ITGAL: variants seen among roughly 807,000 people sequenced by gnomAD.
ITGAL encodes the protein integrin alpha-L.
Under a neutral mutation model 138.4 loss-of-function variants are expected in ITGAL, and 68 were observed. The ratio of observed to expected loss-of-function variants is 0.49; its 90% confidence interval spans 0.40 to 0.60. The LOEUF (loss-of-function observed/expected upper bound fraction) is 0.60, where lower values mean the gene tolerates loss of function less well. Among genes scored for constraint, ITGAL ranks in the 20% least tolerant of loss-of-function variants. ITGAL has a pLI of 0.00. For missense variants in ITGAL, 1,256 were observed against 1,478.6 expected (o/e 0.85, Z 2.47); for synonymous variants, 561 against 584.3 (o/e 0.96, Z 0.57).
At chr16:30,521,418 A>AG in intron 30 of ITGAL, 74 bp from the exon 31 acceptor site, 1 of 1,402,840 alleles carries the variant, frequency 7.1e-7, no homozygotes, top group East Asian at 2.3e-5. Context: ...AAAAAAAAAA[A>AG]AGTGTTCTCA....
Position 30,523,061 on chromosome 16 carries a change from C to T in ITGAL, c.*1396C>T, listed in dbSNP as rs948064008. 1 of 152,422 alleles carries T rather than the reference C, an allele frequency of 6.6e-6. No homozygotes were observed. Among genetic ancestry groups the T allele is most frequent in the Admixed American group, 6.5e-5 (1 of 15,294 alleles). The allele number at this position is 152,422 out of a possible 1,614,324, so 9.4% of individuals were successfully genotyped here. A position where few individuals can be genotyped will look rare whatever the true frequency, so the allele number is the denominator to read the frequency against. On this transcript the variant is annotated 3_prime_UTR_variant, in exon 31 of 31. Coordinates refer to ENST00000356798, the MANE Select transcript of ITGAL (RefSeq NM_002209.3). ...CCACACCCTCTCCCAGGACCCATCA[C>T]GCCTGTGCAGTGGCCCCCACAGAAA...
intron 17 of ITGAL, chr16:30,503,866 A>G (rs1295540330): frequency 4.9e-6 from 1 of 203,532 alleles, no homozygotes; most frequent in Non-Finnish European, 1.0e-5. Context: ...TCTTAAGCAA[A>G]CTTTGATAAT....
chr16:30,474,111 G>T (rs143187647), intron 1 of ITGAL, 85 bp from the exon 2 acceptor site: 1 of 994,932 alleles, frequency 1.0e-6, no homozygotes, highest in Non-Finnish European at 1.5e-6. Context: ...AGCGACATCC[G>T]GGTGGGCCTG....
chr16:30,482,610 T>G (rs2151146274), intron 7 of ITGAL, among the ~76,000 whole-genome samples: 1 of 152,146 alleles, frequency 6.6e-6, no homozygotes, highest in South Asian at 2.1e-4. Flanking sequence ...GAGACAATGG[T>G]TGTATAAACC....
Position 30,484,093 on chromosome 16 carries a change from C to T in ITGAL, c.856-20C>T. Reference sequence around the variant, plus strand: ...TGAGGTTTGGGGGATTTCAGCTCTTCACTCTCCACTCCCTCACAGATTGGA... The same window carrying T: ...TGAGGTTTGGGGGATTTCAGCTCTTTACTCTCCACTCCCTCACAGATTGGA... On this transcript the variant is annotated intron_variant, in intron 8 of 30. Coordinates refer to ENST00000356798, the MANE Select transcript of ITGAL (RefSeq NM_002209.3). 1.2e-6 allele frequency: 2 copies of T among 1,608,594 alleles called. No individual in the cohort carries two copies. Among genetic ancestry groups the T allele is most frequent in the Non-Finnish European group, 1.7e-6 (2 of 1,176,094 alleles).
At chr16:30,474,823 A>G (rs2050444763) in intron 2 of ITGAL, among the ~76,000 whole-genome samples, 1 of 151,314 alleles carries the variant, frequency 6.6e-6, no homozygotes, top group Non-Finnish European at 1.5e-5. Context: ...TCTGTAGGGA[A>G]GAGATGAGGA....
intron 15 of ITGAL, among the ~76,000 whole-genome samples, chr16:30,498,221 A>G (rs1403067537): frequency 6.7e-6 from 1 of 148,846 alleles, no homozygotes; most frequent in African/African-American, 2.5e-5. Context: ...GCTACTCGGG[A>G]GGCTGAGGCA....
intron 15 of ITGAL, 90 bp from the exon 16 acceptor site, chr16:30,498,984 T>C: frequency 1.6e-6 from 2 of 1,224,230 alleles, no homozygotes; most frequent in Non-Finnish European, 2.3e-6. Context: ...GGAAGGAGAG[T>C]TCTCTGGCTT....
chr16:30,489,074 T>C lies in ITGAL; in HGVS notation c.1007-8T>C. On this transcript the variant is annotated splice_region_variant and splice_polypyrimidine_tract_variant and intron_variant, in intron 9 of 30. Transcript: ENST00000356798. The stretch of plus-strand genomic sequence containing the variant: ...TGGGTCTCACCTGTTCTCTGCTTTG[T>C]TCCCCAGGCACAAGCAAACAGGACC... The C allele has an allele frequency of 3.7e-6, 6 of 1,612,854 alleles. No individual in the cohort carries two copies. Among genetic ancestry groups the C allele is most frequent in the South Asian group, 1.1e-5 (1 of 91,034 alleles).
At chr16:30,502,483 A>G (rs1427374369) in intron 17 of ITGAL, among the ~76,000 whole-genome samples, 2 of 151,370 alleles carry the variant, frequency 1.3e-5, no homozygotes, top group Non-Finnish European at 2.9e-5. Flanking sequence ...ATGGTGGCTC[A>G]TGCCAGTAAT....
At chr16:30,505,758 C>T (rs944925758) in intron 20 of ITGAL, among the ~76,000 whole-genome samples, 1 of 152,268 alleles carries the variant, frequency 6.6e-6, no homozygotes. Flanking sequence ...GTGGCTCATG[C>T]CTGTATTCCC....
chr16:30,510,249 G>T (rs193077729), intron 21 of ITGAL, 112 bp from the exon 22 acceptor site: 66 of 694,794 alleles, frequency 9.5e-5, no homozygotes, highest in Admixed American at 9.1e-4. Context: ...CGCTGAGAAG[G>T]TTCCATGACA....
chr16:30,475,048 G>A (rs1028427682), intron 2 of ITGAL, among the ~76,000 whole-genome samples: 1 of 151,814 alleles, frequency 6.6e-6, no homozygotes, highest in Non-Finnish European at 1.5e-5. Flanking sequence ...TAGTAGAGAC[G>A]GGGTTTCACC....
intron 25 of ITGAL, 108 bp from the exon 26 acceptor site, chr16:30,516,865 G>C: frequency 1.3e-6 from 1 of 799,776 alleles, no homozygotes; most frequent in South Asian, 1.4e-5. Flanking sequence ...AGGGCCCTGG[G>C]GACTCAGCCA....
intron 4 of ITGAL, among the ~76,000 whole-genome samples, chr16:30,478,683 CG>C (rs1362622567): frequency 1.4e-5 from 1 of 72,044 alleles, no homozygotes; most frequent in Non-Finnish European, 2.6e-5. Flanking sequence ...GGCGATAGAG[CG>C]AAGACTCCAT....
rs1040115809 is a variant in ITGAL, at chr16:30,492,617, C to T, written c.1214-1595C>T. Among the ~76,000 whole-genome samples, 8 of 147,226 alleles carry T rather than the reference C, an allele frequency of 5.4e-5. No individual in the cohort carries two copies. The Admixed American group carries it at 5.5e-4, about 10-fold the overall frequency. On this transcript the variant is annotated intron_variant, in intron 11 of 30. Transcript: ENST00000356798. ...TGTCACCCAGGCTGGAGTGCAGAGG[C>T]GCTATCTCAGCTCACTGCAAGCTCC... is the stretch of plus-strand genomic sequence containing the variant.
At position 30,489,319 on chromosome 16, in the gene ITGAL, A is replaced by G; in HGVS notation, c.1146A>G (p.Ala382=). 1 of 1,613,340 alleles carries G rather than the reference A, an allele frequency of 6.2e-7. No individual in the cohort carries two copies. The highest frequency in any genetic ancestry group is 8.5e-7 in the Non-Finnish European group (1 of 1,179,260). ...DWAGGFLDLK[A]DLQDDTFIGN... ...CTGGGGGCTTTCTTGACCTGAAGGC[A>G]GACCTGCAGGATGACACATTTATTG... is the stretch of plus-strand genomic sequence containing the variant. Residue 382 remains alanine (A), a synonymous_variant, in exon 11 of 31, where the codon GCA becomes GCG. Transcript: ENST00000356798.
chr16:30,478,552 G>T lies in ITGAL; in HGVS notation c.328-539G>T, dbSNP rs145523314. 1.6e-3 allele frequency among the ~76,000 whole-genome samples: 241 copies of T among 151,788 alleles called. 4 individuals are homozygous for T. The East Asian group carries it at 0.04, about 25-fold the overall frequency. On this transcript the variant is annotated intron_variant, in intron 4 of 30. Coordinates refer to ENST00000356798, the MANE Select transcript of ITGAL (RefSeq NM_002209.3). ...TCTCTGCTAAAAATACAAAAAATTA[G>T]CCGGGTGTAGTGGCGGGTGCCTGTA...
At chr16:30,514,598 A>AT (rs1172133953) in intron 25 of ITGAL, among the ~76,000 whole-genome samples, 5 of 151,572 alleles carry the variant, frequency 3.3e-5, no homozygotes, top group East Asian at 3.9e-4. Context: ...TAACTTTTGT[A>AT]TTTTTTGTAG....
Sources: gnomAD v4.1 joint callset for allele counts (sites outside exome capture counted in the v4.1 genomes callset) on GRCh38, gnomAD v4.1.1 for gene constraint, MANE v1.5 for transcripts, NCBI Gene and HGNC (gene_info 2026-07-23, HGNC 2026-07-21) for gene names.